Variants in GPC6 observed in about 807,000 individuals in gnomAD.
GPC6 encodes glypican-6.
In GPC6, 14 loss-of-function variants were observed where a neutral mutation model predicts 55.2. That is an observed-to-expected ratio of 0.25 (90% confidence interval 0.17 to 0.40). The LOEUF (loss-of-function observed/expected upper bound fraction) is 0.40, where lower values mean the gene tolerates loss of function less well. GPC6 is among the 10% of genes least tolerant of loss of function. The pLI is 1.00. For missense variants in GPC6, 641 were observed against 708.5 expected, an observed-to-expected ratio of 0.90 and a Z score of 1.08; for synonymous variants, 278 against 259.6, an observed-to-expected ratio of 1.07 and a Z score of -0.68.
intron 1 of GPC6, among the ~76,000 whole-genome samples, chr13:93,254,739 G>C (rs1019512223): frequency 2.0e-5 from 3 of 152,078 alleles, no homozygotes; most frequent in African/African-American, 7.2e-5. Context: ...AGGATGCCCA[G>C]ATGACAACAA....
intron 4 of GPC6, among the ~76,000 whole-genome samples, chr13:94,112,158 T>C (rs1252775590): frequency 6.6e-6 from 1 of 152,196 alleles, no homozygotes; most frequent in East Asian, 1.9e-4. Context: ...TTACAGACTT[T>C]GGTATTGCCA....
intron 3 of GPC6, among the ~76,000 whole-genome samples, chr13:93,999,126 C>T (rs1004235490): frequency 1.3e-5 from 2 of 152,006 alleles, no homozygotes; most frequent in African/African-American, 4.8e-5. Context: ...GTTTGTTGCC[C>T]CCATCAACCC....
chr13:93,575,131 T>C (rs1876595811), intron 2 of GPC6, among the ~76,000 whole-genome samples: 1 of 151,996 alleles, frequency 6.6e-6, no homozygotes, highest in African/African-American at 2.4e-5. Flanking sequence ...CTGTCTCTAC[T>C]AAAAATACAA....
At chr13:93,585,180 T>C (rs2139496146) in intron 2 of GPC6, among the ~76,000 whole-genome samples, 1 of 152,296 alleles carries the variant, frequency 6.6e-6, no homozygotes, top group East Asian at 1.9e-4. Flanking sequence ...TTTTTAGTAT[T>C]TTTAGGGGTG....
chr13:93,846,922 A>G (rs1888200913), intron 3 of GPC6, among the ~76,000 whole-genome samples: 1 of 152,198 alleles, frequency 6.6e-6, no homozygotes, highest in Admixed American at 6.6e-5. Context: ...TTATTCTCAT[A>G]TTTAAGATAA....
intron 2 of GPC6, among the ~76,000 whole-genome samples, chr13:93,602,366 T>C (rs553913987): frequency 5.3e-5 from 8 of 152,304 alleles, no homozygotes; most frequent in African/African-American, 1.9e-4. Flanking sequence ...TCATGAAATA[T>C]TAAAATGAAG....
rs1594219754 is a variant in GPC6, at chr13:94,376,630, T to A, written c.1153-5784T>A. Among the ~76,000 whole-genome samples the A allele has an allele frequency of 1.1e-4, 16 of 151,980 alleles. No individual in the cohort carries two copies. In the South Asian group the frequency reaches 3.3e-3, roughly 32 times the overall value. On this transcript the variant is annotated intron_variant, in intron 6 of 8. Coordinates refer to ENST00000377047, the MANE Select transcript of GPC6 (RefSeq NM_005708.5). ...GTGAAAATGGCCATACTGCCCAAGG[T>A]AATTTACAGATTCAATGCCATCCCC...
intron 3 of GPC6, among the ~76,000 whole-genome samples, chr13:93,833,777 C>T (rs1887624276): frequency 5.9e-5 from 9 of 152,098 alleles, no homozygotes; most frequent in Admixed American, 5.9e-4. Flanking sequence ...AAATTGTAAG[C>T]ATCAACAGAA....
chr13:94,273,472 A>AT (rs1892107362), intron 4 of GPC6, among the ~76,000 whole-genome samples: 1 of 152,228 alleles, frequency 6.6e-6, no homozygotes, highest in African/African-American at 2.4e-5. Flanking sequence ...GAGAAGCTTA[A>AT]TTGGAGCAAA....
intron 1 of GPC6, among the ~76,000 whole-genome samples, chr13:93,535,374 A>G (rs559121595): frequency 2.6e-4 from 39 of 152,264 alleles, no homozygotes; most frequent in African/African-American, 8.4e-4. Context: ...ACAGAAAGGG[A>G]TGGAGTTGGA....
intron 1 of GPC6, among the ~76,000 whole-genome samples, chr13:93,359,554 T>A (rs1408874145): frequency 2.0e-5 from 3 of 152,200 alleles, no homozygotes; most frequent in Non-Finnish European, 4.4e-5. Flanking sequence ...TAGTTGAATG[T>A]GCAAACTGCA....
intron 2 of GPC6, among the ~76,000 whole-genome samples, chr13:93,555,711 T>A (rs1875424627): frequency 6.6e-6 from 1 of 152,176 alleles, no homozygotes; most frequent in Non-Finnish European, 1.5e-5. Flanking sequence ...TATGCACATA[T>A]GCACAGTCAC....
intron 2 of GPC6, among the ~76,000 whole-genome samples, chr13:93,560,308 G>A (rs1875708956): frequency 7.0e-6 from 1 of 142,268 alleles, no homozygotes; most frequent in African/African-American, 2.6e-5. Context: ...AGGAATTTGA[G>A]ACCAGCCTGA....
intron 6 of GPC6, among the ~76,000 whole-genome samples, chr13:94,358,462 A>G (rs1878905971): frequency 1.3e-5 from 2 of 152,268 alleles, no homozygotes; most frequent in African/African-American, 4.8e-5. Flanking sequence ...AGAAGTGAAA[A>G]GATGGATATA....
chr13:93,365,345 G>A (rs1018225180), intron 1 of GPC6, among the ~76,000 whole-genome samples: 1 of 152,008 alleles, frequency 6.6e-6, no homozygotes, highest in Non-Finnish European at 1.5e-5. Context: ...GATTTGGTAG[G>A]TCCTGTATAA....
chr13:93,718,829 A>G (rs1349231646), intron 2 of GPC6, among the ~76,000 whole-genome samples: 1 of 150,992 alleles, frequency 6.6e-6, no homozygotes, highest in Non-Finnish European at 1.5e-5. Flanking sequence ...AATGGCATTT[A>G]TTAAATAGGG....
At chr13:93,610,240 T>G (rs1358200514) in intron 2 of GPC6, among the ~76,000 whole-genome samples, 2 of 152,202 alleles carry the variant, frequency 1.3e-5, no homozygotes, top group Admixed American at 6.5e-5. Flanking sequence ...CAGTAGTGAT[T>G]CAAAGAAGCT....
At chr13:93,543,394 A>C (rs1483054541) in intron 1 of GPC6, among the ~76,000 whole-genome samples, 1 of 152,030 alleles carries the variant, frequency 6.6e-6, no homozygotes, top group African/African-American at 2.4e-5. Context: ...ATGGTGGATA[A>C]GCTTTTTGAT....
chr13:93,780,764 T>C (rs1052055860), intron 2 of GPC6, among the ~76,000 whole-genome samples: 56 of 152,294 alleles, frequency 3.7e-4, no homozygotes, highest in African/African-American at 1.3e-3. Context: ...ACTTTGAACA[T>C]CTATTTTGGT....
Sources: gnomAD v4.1 joint callset for allele counts (sites outside exome capture counted in the v4.1 genomes callset) on GRCh38, gnomAD v4.1.1 for gene constraint, MANE v1.5 for transcripts, NCBI Gene and HGNC (gene_info 2026-07-23, HGNC 2026-07-21) for gene names.